ADCY9: variants seen among roughly 807,000 people sequenced by gnomAD.
ADCY9 encodes the protein adenylate cyclase type 9.
In ADCY9, 50 loss-of-function variants were observed where a neutral mutation model predicts 101.5. The observed-to-expected ratio is 0.49, with a 90% confidence interval of 0.39 to 0.62. The LOEUF is 0.62. Among genes scored for constraint, ADCY9 ranks in the 20% least tolerant of loss-of-function variants. The pLI is 0.00. For missense variants in ADCY9, 1,662 were observed against 1,800.4 expected, an observed-to-expected ratio of 0.92 and a Z score of 1.39; for synonymous variants, 905 against 769.3, an observed-to-expected ratio of 1.18 and a Z score of -2.92.
intron 9 of ADCY9, among the ~76,000 whole-genome samples, chr16:3,977,074 G>C (rs548893261): frequency 6.6e-6 from 1 of 152,306 alleles, no homozygotes; most frequent in African/African-American, 2.4e-5. Context: ...CTCAAGGAAA[G>C]TCAGCACCAG....
At position 3,977,519 on chromosome 16, in the gene ADCY9, G is replaced by A. The variant is rs374631917; in HGVS notation, c.2791C>T (p.Pro931Ser). The A allele has an allele frequency of 3.2e-6, 5 of 1,587,264 alleles. No individual in the cohort carries two copies. The African/African-American group carries it at 5.4e-5, about 17-fold the overall frequency. Residue 931 changes from proline to serine, a missense_variant, in exon 9 of 11, where the codon CCG becomes TCG. Transcript: ENST00000294016. ...AGGGAGACGTAGAGCAGGAGCAGCG[G>A]CCCGGCCCCCACGACGGTGGCGAGG... is the stretch of plus-strand genomic sequence containing the variant. ...SSLATVVGAGPLLLLYVSLCP... is the reference protein window; with the variant it reads ...SSLATVVGAGSLLLLYVSLCP...
chr16:4,107,061 G>C (rs1364622409), intron 2 of ADCY9, among the ~76,000 whole-genome samples: 1 of 152,166 alleles, frequency 6.6e-6, no homozygotes, highest in Admixed American at 6.5e-5. Context: ...AGAATTAACA[G>C]CTGTGTCCTT....
intron 2 of ADCY9, among the ~76,000 whole-genome samples, chr16:4,010,603 G>C (rs895783416): frequency 1.3e-5 from 2 of 152,220 alleles, no homozygotes; most frequent in Admixed American, 1.3e-4. Flanking sequence ...ATCGTGACCT[G>C]TGTGGAGCCC....
At chr16:4,078,143 C>A (rs1446741305) in intron 2 of ADCY9, among the ~76,000 whole-genome samples, 1 of 152,136 alleles carries the variant, frequency 6.6e-6, no homozygotes, top group Non-Finnish European at 1.5e-5. Context: ...ATGCATTTAA[C>A]CGAAACAAAT....
At chr16:4,085,122 G>A (rs1212411480) in intron 2 of ADCY9, among the ~76,000 whole-genome samples, 1 of 152,152 alleles carries the variant, frequency 6.6e-6, no homozygotes, top group Admixed American at 6.5e-5. Flanking sequence ...AGCACTTTGG[G>A]AGGTCAAGGT....
chr16:4,055,789 G>A (rs2056733927), intron 2 of ADCY9, among the ~76,000 whole-genome samples: 1 of 151,950 alleles, frequency 6.6e-6, no homozygotes, highest in Non-Finnish European at 1.5e-5. Context: ...AGCCGAGATG[G>A]TGCCACTGCA....
At chr16:4,091,866 C>T (rs892519537) in intron 2 of ADCY9, among the ~76,000 whole-genome samples, 3 of 152,204 alleles carry the variant, frequency 2.0e-5, no homozygotes, top group Non-Finnish European at 4.4e-5. Context: ...GTGATGAAAA[C>T]GCTTCGGAAT....
intron 2 of ADCY9, among the ~76,000 whole-genome samples, chr16:4,041,953 T>TTGCTC (rs1443202728): frequency 7.3e-6 from 1 of 136,492 alleles, no homozygotes; most frequent in East Asian, 2.2e-4. Flanking sequence ...AGACGGAGTC[T>TTGCTC]TGCTCTGTCG....
At chr16:4,047,534 C>G (rs555437166) in intron 2 of ADCY9, among the ~76,000 whole-genome samples, 2 of 148,248 alleles carry the variant, frequency 1.3e-5, no homozygotes, top group South Asian at 4.1e-4. Flanking sequence ...TCCTTTGTAA[C>G]CAATGGGCTT....
In ADCY9 at chr16:4,114,937, G is replaced by A. The variant is rs1339557327; in HGVS notation, c.506C>T (p.Ala169Val). 2 of 1,613,966 alleles carry A rather than the reference G, an allele frequency of 1.2e-6. No homozygotes were observed. The highest frequency in any genetic ancestry group is 1.7e-6 in the Non-Finnish European group (2 of 1,180,028). Residue 169 changes from alanine to valine, a missense_variant, in exon 2 of 11, where the codon GCC becomes GTC. Transcript: ENST00000294016. The surrounding 1 kb of genome is among the most constrained non-coding windows in gnomAD (Gnocchi z 4.3). Reference sequence around the variant, plus strand: ...CAGCGAGGTCCACGCGTAATGCCGGGCGTACAGCTTGGTGAAGGTAAACAG... The same window carrying A: ...CAGCGAGGTCCACGCGTAATGCCGGACGTACAGCTTGGTGAAGGTAAACAG... Reference protein sequence around the residue: ...FFLFTFTKLYARHYAWTSLAL... With the variant: ...FFLFTFTKLYVRHYAWTSLAL...
chr16:4,071,332 CAAAAAAAAAAAAAA>C (rs530420293), intron 2 of ADCY9, among the ~76,000 whole-genome samples: 15 of 70,524 alleles, frequency 2.1e-4, no homozygotes, highest in South Asian at 5.3e-4. Context: ...ACTCAGTCTC[CAAAAAAAAAAAAAA>C]AAAAAAAAAA....
chr16:3,996,232 C>A (rs1033513057), intron 3 of ADCY9, among the ~76,000 whole-genome samples: 1 of 152,040 alleles, frequency 6.6e-6, no homozygotes, highest in Non-Finnish European at 1.5e-5. Flanking sequence ...CTTGATGGCA[C>A]GTGCCTGTGG....
At chr16:3,979,412 G>A (rs999972895) in intron 7 of ADCY9, 137 bp from the exon 8 acceptor site, 37 of 1,020,436 alleles carry the variant, frequency 3.6e-5, no homozygotes, top group East Asian at 7.9e-5. Context: ...GAGAGCAGGC[G>A]TGGGGTGGGA....
rs1374169821 is a variant in ADCY9 at position 3,983,393 on chromosome 16, G to A, written c.2358C>T (p.Ser786=). 2 of 1,608,470 alleles carry A rather than the reference G, an allele frequency of 1.2e-6. No individual in the cohort carries two copies. The highest frequency in any genetic ancestry group is 1.7e-6 in the Non-Finnish European group (2 of 1,177,058). Residue 786 remains serine (S), a synonymous_variant, in exon 7 of 11, where the codon AGC becomes AGT. Coordinates refer to ENST00000294016, the MANE Select transcript of ADCY9 (RefSeq NM_001116.4). The stretch of plus-strand genomic sequence containing the variant: ...TCGACAGAAACACATCCAGGAGGGA[G>A]CTGAAGGTGGGACTAGCAAACGTCT... ...PVKTFASPTF[S]SLLDVFLSTT...
At chr16:4,082,334 G>A (rs368041753) in intron 2 of ADCY9, among the ~76,000 whole-genome samples, 2 of 152,098 alleles carry the variant, frequency 1.3e-5, no homozygotes, top group African/African-American at 4.8e-5. Context: ...AGCCACTATT[G>A]CCACTGCACA....
At chr16:4,111,335 G>A (rs775403362) in intron 2 of ADCY9, among the ~76,000 whole-genome samples, 1 of 152,196 alleles carries the variant, frequency 6.6e-6, no homozygotes, top group Non-Finnish European at 1.5e-5. Context: ...CCAGGCTGGT[G>A]TGCAGTGGCG....
rs373818842 is a variant in ADCY9, at chr16:4,063,484, C to T, written c.1693+50266G>A. Among the ~76,000 whole-genome samples, 14 of 152,136 alleles carry T rather than the reference C, an allele frequency of 9.2e-5. No individual in the cohort carries two copies. In the East Asian group the frequency reaches 2.7e-3, roughly 29 times the overall value. On this transcript the variant is annotated intron_variant, in intron 2 of 10. Transcript: ENST00000294016. ...AACACTTTGGAAGGCCAAGCTGGGA[C>T]GATCGCTCAAGCCCAGGAGTTGAAG... is the stretch of plus-strand genomic sequence containing the variant.
chr16:4,107,178 A>T (rs2057082573), intron 2 of ADCY9, among the ~76,000 whole-genome samples: 1 of 152,066 alleles, frequency 6.6e-6, no homozygotes, highest in South Asian at 2.1e-4. Context: ...TGTGGAGGGG[A>T]ACTGTGTGCC....
chr16:4,089,312 C>T (rs1379162628), intron 2 of ADCY9, among the ~76,000 whole-genome samples: 2 of 152,036 alleles, frequency 1.3e-5, no homozygotes, highest in African/African-American at 2.4e-5. Flanking sequence ...GCGATCGAAA[C>T]GTGGCCTTTG....
Sources: allele counts gnomAD v4.1 joint callset (sites outside exome capture counted in the v4.1 genomes callset), GRCh38; gene constraint gnomAD v4.1.1; non-coding constraint Gnocchi (gnomAD v3.1); transcripts MANE v1.5; gene names NCBI Gene and HGNC (gene_info 2026-07-23, HGNC 2026-07-21).